The following HHIP variants were observed in gnomAD, a reference collection of about 807,000 sequenced individuals.
The protein encoded by HHIP is hedgehog-interacting protein.
Under a neutral mutation model 74.0 loss-of-function variants are expected in HHIP, and 12 were observed. The ratio of observed to expected loss-of-function variants is 0.16; its 90% confidence interval spans 0.10 to 0.26. The LOEUF is 0.26. HHIP is among the 10% of genes least tolerant of loss of function. HHIP has a pLI of 1.00. For synonymous variants in HHIP, 309 were observed against 311.6 expected (o/e 0.99, Z 0.09); for missense variants, 788 against 845.0 (o/e 0.93, Z 0.84).
chr4:144,653,792 A>G (rs958662465), intron 2 of HHIP, among the ~76,000 whole-genome samples: 2 of 152,176 alleles, frequency 1.3e-5, no homozygotes, highest in African/African-American at 2.4e-5. Flanking sequence ...ATAACCTTAT[A>G]GAACATTTTG....
chr4:144,659,671 G>A lies in HHIP; in HGVS notation c.664G>A (p.Val222Ile), dbSNP rs201311123. Residue 222 changes from valine (V) to isoleucine (I), a missense_variant, in exon 4 of 13, where the codon GTT (valine) becomes ATT (isoleucine). Transcript: ENST00000296575. Reference sequence around the variant, plus strand: ...ACACAACTGCTTCTGTATTCAGGAGGTTGTGAGTGGGCTGCGGCAGCCCGT... The same window carrying A: ...ACACAACTGCTTCTGTATTCAGGAGATTGTGAGTGGGCTGCGGCAGCCCGT... ...HKHNCFCIQE[V>I]VSGLRQPVGA... The A allele has an allele frequency of 3.9e-6, 6 of 1,551,534 alleles. No individual in the cohort carries two copies. The South Asian group carries it at 6.3e-5, about 16-fold the overall frequency.
chr4:144,698,369 C>T (rs1045623549), intron 4 of HHIP, among the ~76,000 whole-genome samples: 1 of 152,138 alleles, frequency 6.6e-6, no homozygotes, highest in Non-Finnish European at 1.5e-5. Context: ...TTTTACAGTA[C>T]CTTTTCTATG....
At chr4:144,713,833 T>G (rs1211505875) in intron 8 of HHIP, among the ~76,000 whole-genome samples, 1 of 152,186 alleles carries the variant, frequency 6.6e-6, no homozygotes, top group African/African-American at 2.4e-5. Flanking sequence ...CTGTCTCAAT[T>G]TACTCAATAT....
intron 4 of HHIP, chr4:144,661,361 C>T (rs1728708827): frequency 2.0e-5 from 3 of 152,144 alleles, no homozygotes; most frequent in South Asian, 2.1e-4. Context: ...AGAATTTGGA[C>T]CTCCTTTTCC....
chr4:144,667,118 G>T (rs546760086), intron 4 of HHIP, among the ~76,000 whole-genome samples: 32 of 152,264 alleles, frequency 2.1e-4, no homozygotes, highest in Non-Finnish European at 4.0e-4. Flanking sequence ...GGAGGCTGAA[G>T]CAGGAAAATC....
At chr4:144,689,637 T>C (rs1457464053) in intron 4 of HHIP, among the ~76,000 whole-genome samples, 2 of 152,176 alleles carry the variant, frequency 1.3e-5, no homozygotes, top group Non-Finnish European at 2.9e-5. Context: ...TTTAGACCAA[T>C]ATTTTATAGA....
intron 4 of HHIP, among the ~76,000 whole-genome samples, chr4:144,687,298 C>T (rs1185021689): frequency 6.6e-6 from 1 of 152,024 alleles, no homozygotes. Flanking sequence ...AGGAGTGACT[C>T]GGGGAAAAGT....
At chr4:144,699,124 C>T (rs145591769) in intron 4 of HHIP, among the ~76,000 whole-genome samples, 4 of 152,146 alleles carry the variant, frequency 2.6e-5, no homozygotes, top group African/African-American at 9.7e-5. Flanking sequence ...AAGGGCTCAG[C>T]CCCATAAGAC....
In HHIP at chr4:144,690,669, A is replaced by G. The variant is rs200507910; in HGVS notation, c.832-15862A>G. On this transcript the variant is annotated intron_variant, in intron 4 of 12. Transcript: ENST00000296575. ...TTAAGACCATATTGTAAAGTGTCTC[A>G]TGGCCCCTGATAAATTATTTGGGCC... Among the ~76,000 whole-genome samples the G allele has an allele frequency of 4.6e-5, 7 of 152,342 alleles. No homozygotes were observed. The East Asian group carries it at 1.3e-3, about 29-fold the overall frequency.
At chr4:144,649,767 A>G (rs759693146) in intron 1 of HHIP, among the ~76,000 whole-genome samples, 19 of 152,322 alleles carry the variant, frequency 1.2e-4, no homozygotes, top group East Asian at 3.9e-4. Context: ...GTGCCCTTTT[A>G]CAATCATTTG....
chr4:144,732,381 C>T (rs1730984976), intron 11 of HHIP, among the ~76,000 whole-genome samples: 1 of 152,176 alleles, frequency 6.6e-6, no homozygotes, highest in Non-Finnish European at 1.5e-5. Context: ...GAAATAATTA[C>T]TACATCCGTG....
intron 4 of HHIP, among the ~76,000 whole-genome samples, chr4:144,683,620 T>C (rs960007709): frequency 4.6e-5 from 7 of 152,230 alleles, no homozygotes; most frequent in African/African-American, 1.7e-4. Flanking sequence ...AGACATACTA[T>C]ATGGTAATGA....
Position 144,734,909 on chromosome 4 carries a change from C to A in HHIP, c.1909+20C>A. On this transcript the variant is annotated intron_variant, in intron 12 of 12. Transcript: ENST00000296575. Reference sequence around the variant, plus strand: ...GAACTGGTTAGTATTTCTGTTTTCACCTGAAAAGGACTGGGGATGAGCCAA... The same window carrying A: ...GAACTGGTTAGTATTTCTGTTTTCAACTGAAAAGGACTGGGGATGAGCCAA... The A allele has an allele frequency of 6.3e-7, 1 of 1,589,414 alleles. No individual in the cohort carries two copies. The highest frequency in any genetic ancestry group is 8.6e-7 in the Non-Finnish European group (1 of 1,160,104).
At chr4:144,719,378 T>A (rs568273181) in intron 11 of HHIP, among the ~76,000 whole-genome samples, 4 of 152,314 alleles carry the variant, frequency 2.6e-5, no homozygotes, top group South Asian at 2.1e-4. Context: ...GGTAAGTTAC[T>A]TTGGCAGTTC....
intron 4 of HHIP, among the ~76,000 whole-genome samples, chr4:144,677,850 AT>A (rs1258646450): frequency 6.6e-6 from 1 of 152,078 alleles, no homozygotes; most frequent in African/African-American, 2.4e-5. Flanking sequence ...TATTTTCTTA[AT>A]GTTCATATAA....
At chr4:144,716,854 GAAAAAAAAAAA>G (rs869028218) in intron 10 of HHIP, among the ~76,000 whole-genome samples, 1,423 of 54,586 alleles carry the variant, frequency 0.026, 6 homozygotes, top group African/African-American at 0.084. Flanking sequence ...CGTCTCAAAA[GAAAAAAAAAAA>G]AAAAAAAAAA....
intron 4 of HHIP, among the ~76,000 whole-genome samples, chr4:144,706,293 G>T (rs1351169453): frequency 1.3e-5 from 2 of 152,182 alleles, no homozygotes; most frequent in African/African-American, 4.8e-5. Context: ...CAAAAGTGGT[G>T]TAAGACTCTT....
intron 4 of HHIP, among the ~76,000 whole-genome samples, chr4:144,690,568 A>G (rs1033256607): frequency 6.6e-6 from 1 of 152,204 alleles, no homozygotes; most frequent in Non-Finnish European, 1.5e-5. Context: ...GAAAGCCAAG[A>G]GAGCATCAGA....
chr4:144,690,669 A>T (rs200507910), intron 4 of HHIP, among the ~76,000 whole-genome samples: 3 of 152,224 alleles, frequency 2.0e-5, no homozygotes, highest in Non-Finnish European at 4.4e-5. Flanking sequence ...AAAGTGTCTC[A>T]TGGCCCCTGA....
Sources: allele counts gnomAD v4.1 joint callset (sites outside exome capture counted in the v4.1 genomes callset), GRCh38; gene constraint gnomAD v4.1.1; transcripts MANE v1.5; gene names NCBI Gene and HGNC (gene_info 2026-07-23, HGNC 2026-07-21).